ANO4: variants seen among roughly 807,000 people sequenced by gnomAD.
ANO4 encodes the protein anoctamin 4.
Under a neutral mutation model 141.9 loss-of-function variants are expected in ANO4, and 69 were observed. The ratio of observed to expected loss-of-function variants is 0.49; its 90% CI spans 0.40 to 0.59. The LOEUF is 0.59. Among genes scored for constraint, ANO4 ranks in the 20% least tolerant of loss-of-function variants. The pLI is 0.00. For synonymous variants in ANO4, 350 were observed against 394.3 expected (o/e 0.89, Z 1.33); for missense variants, 894 against 1,162.2 (o/e 0.77, Z 3.36).
chr12:100,788,642 G>A (rs1214103033), intron 3 of ANO4, among the ~76,000 whole-genome samples: 1 of 152,158 alleles, frequency 6.6e-6, no homozygotes, highest in Non-Finnish European at 1.5e-5. Context: ...GAGAACATGG[G>A]AACAGTTGCA....
intron 1 of ANO4, among the ~76,000 whole-genome samples, chr12:100,840,467 C>G (rs1565924708): frequency 6.6e-6 from 1 of 152,008 alleles, no homozygotes; most frequent in Non-Finnish European, 1.5e-5. Context: ...AACTGAGACA[C>G]AGAGAGAGTA....
At chr12:101,126,290 T>A (rs769472929) in intron 26 of ANO4, among the ~76,000 whole-genome samples, 5 of 152,188 alleles carry the variant, frequency 3.3e-5, no homozygotes, top group Non-Finnish European at 7.4e-5. Flanking sequence ...ATTATATAGA[T>A]GAGCAGAAGT....
In ANO4 at chr12:100,887,003, A is replaced by G. The variant is rs2135975888; in HGVS notation, c.-140-14643A>G. ...TTCTATCCTTGGGCCTAGCAGGGGT[A>G]GGGCTCAGTAGTTGTTGGGGACAAT... On this transcript the variant is annotated intron_variant, in intron 1 of 27. Transcript: ENST00000392977. Among the ~76,000 whole-genome samples, 3 of 152,328 alleles carry G rather than the reference A, an allele frequency of 2.0e-5. No homozygotes were observed. In the Middle Eastern group the frequency reaches 0.01, roughly 518 times the overall value.
intron 9 of ANO4, among the ~76,000 whole-genome samples, chr12:101,031,917 T>C (rs1196245079): frequency 6.6e-6 from 1 of 152,116 alleles, no homozygotes; most frequent in Non-Finnish European, 1.5e-5. Flanking sequence ...AAACCACTGC[T>C]CAAGGAAATC....
chr12:100,891,321 C>T (rs1175749074), intron 1 of ANO4, among the ~76,000 whole-genome samples: 1 of 152,194 alleles, frequency 6.6e-6, no homozygotes, highest in Admixed American at 6.5e-5. Flanking sequence ...GTTTTCATCT[C>T]ACTTGGGTAA....
chr12:101,097,801 C>A, intron 20 of ANO4, 47 bp from the exon 21 acceptor site: 3 of 1,607,076 alleles, frequency 1.9e-6, no homozygotes, highest in Non-Finnish European at 2.6e-6. Context: ...GACACCCTTT[C>A]TTCCTCTCCA....
At chr12:100,754,667 G>A (rs1469809356) in intron 3 of ANO4, among the ~76,000 whole-genome samples, 1 of 152,106 alleles carries the variant, frequency 6.6e-6, no homozygotes, top group Non-Finnish European at 1.5e-5. Context: ...CAGCCCAAAT[G>A]TCCATCCATG....
chr12:100,955,046 C>T (rs2043125632), intron 5 of ANO4, among the ~76,000 whole-genome samples: 1 of 152,184 alleles, frequency 6.6e-6, no homozygotes, highest in Non-Finnish European at 1.5e-5. Context: ...TCGTGTCCAG[C>T]CCCTGCAGTG....
intron 7 of ANO4, among the ~76,000 whole-genome samples, chr12:100,980,593 C>T (rs1029001416): frequency 7.9e-5 from 12 of 152,112 alleles, no homozygotes; most frequent in African/African-American, 2.7e-4. Flanking sequence ...TTTTATTAAT[C>T]CATGAAAGCA....
chr12:101,022,907 T>C lies in ANO4; in HGVS notation c.841+2767T>C, dbSNP rs1244744904. Among the ~76,000 whole-genome samples the C allele has an allele frequency of 2.6e-5, 4 of 152,094 alleles. No individual in the cohort carries two copies. In the East Asian group the frequency reaches 5.8e-4, roughly 22 times the overall value. ...GGTGCCCGCCACCATGCCCGGCTAATTTTTTGTATTTTTAGTGGAGACGGG... is the reference window on the plus strand; with the variant it reads ...GGTGCCCGCCACCATGCCCGGCTAACTTTTTGTATTTTTAGTGGAGACGGG... On this transcript the variant is annotated intron_variant, in intron 9 of 27. Coordinates refer to ENST00000392977, the MANE Select transcript of ANO4 (RefSeq NM_001286615.2).
chr12:100,955,552 T>A (rs2043144413), intron 5 of ANO4, among the ~76,000 whole-genome samples: 1 of 152,222 alleles, frequency 6.6e-6, no homozygotes, highest in Non-Finnish European at 1.5e-5. Flanking sequence ...AGATTCCACC[T>A]CTTGATGGAG....
At chr12:100,878,786 C>T (rs2039432460) in intron 1 of ANO4, among the ~76,000 whole-genome samples, 1 of 152,058 alleles carries the variant, frequency 6.6e-6, no homozygotes, top group Admixed American at 6.6e-5. Context: ...ATATTATTTG[C>T]TTTCAAAAAG....
At chr12:100,802,888 A>T (rs2034781337) in intron 1 of ANO4, among the ~76,000 whole-genome samples, 1 of 152,068 alleles carries the variant, frequency 6.6e-6, no homozygotes, top group Admixed American at 6.6e-5. Flanking sequence ...TCTTCTCTCC[A>T]CTCATTGTTT....
intron 9 of ANO4, among the ~76,000 whole-genome samples, chr12:101,023,337 G>C (rs1444468309): frequency 6.6e-6 from 1 of 152,168 alleles, no homozygotes; most frequent in African/African-American, 2.4e-5. Context: ...TTCATTTGAT[G>C]AAATAAGGAG....
At chr12:100,914,550 A>C (rs982150415) in intron 2 of ANO4, among the ~76,000 whole-genome samples, 24 of 152,238 alleles carry the variant, frequency 1.6e-4, no homozygotes, top group African/African-American at 5.3e-4. Flanking sequence ...GCACGTATGA[A>C]GCATCTTCTA....
At chr12:100,868,650 AC>A (rs1261425730) in intron 1 of ANO4, among the ~76,000 whole-genome samples, 1 of 151,924 alleles carries the variant, frequency 6.6e-6, no homozygotes, top group Non-Finnish European at 1.5e-5. Flanking sequence ...AAGCCACCAC[AC>A]CCAGGGCAGC....
At chr12:100,919,187 A>G (rs1179897841) in intron 2 of ANO4, among the ~76,000 whole-genome samples, 2 of 152,234 alleles carry the variant, frequency 1.3e-5, no homozygotes, top group African/African-American at 2.4e-5. Flanking sequence ...AAAACTTACC[A>G]TAAGATAAAT....
intron 1 of ANO4, among the ~76,000 whole-genome samples, chr12:100,728,978 G>A (rs976319879): frequency 6.7e-6 from 1 of 150,006 alleles, no homozygotes; most frequent in African/African-American, 2.5e-5. Flanking sequence ...CTTTCATAAC[G>A]CAAACTCACT....
At chr12:101,049,100 G>A (rs1020617419) in intron 14 of ANO4, among the ~76,000 whole-genome samples, 1 of 152,150 alleles carries the variant, frequency 6.6e-6, no homozygotes, top group East Asian at 1.9e-4. Context: ...AGTTACCTTT[G>A]GAAAGGAAGA....
Sources: gnomAD v4.1 joint callset for allele counts (sites outside exome capture counted in the v4.1 genomes callset) on GRCh38, gnomAD v4.1.1 for gene constraint, MANE v1.5 for transcripts, NCBI Gene and HGNC (gene_info 2026-07-23, HGNC 2026-07-21) for gene names.